USP14: variants seen among roughly 807,000 people sequenced by gnomAD.
USP14 encodes ubiquitin specific peptidase 14, also known as ubiquitin carboxyl-terminal hydrolase 14.
In USP14, 38 loss-of-function variants were observed where a neutral mutation model predicts 76.5. The ratio of observed to expected loss-of-function variants is 0.50; its 90% CI spans 0.38 to 0.65. The LOEUF (loss-of-function observed/expected upper bound fraction) is 0.65. USP14 is among the 30% of genes least tolerant of loss of function. The pLI is 0.00. For synonymous variants in USP14, 192 were observed against 191.7 expected, an observed-to-expected ratio of 1.00 and a Z score of -0.01; for missense variants, 467 against 586.5, an observed-to-expected ratio of 0.80 and a Z score of 2.10.
intron 13 of USP14, among the ~76,000 whole-genome samples, chr18:208,485 C>G (rs367938622): frequency 1.3e-4 from 20 of 152,146 alleles, no homozygotes; most frequent in Non-Finnish European, 2.1e-4. Flanking sequence ...GTATTGATTT[C>G]TGCTCTTATT....
chr18:189,304 G>A (rs532164776), intron 5 of USP14, among the ~76,000 whole-genome samples: 3 of 151,828 alleles, frequency 2.0e-5, no homozygotes, highest in South Asian at 4.2e-4. Flanking sequence ...TTGTTTTATT[G>A]TCTATTTTCT....
chr18:166,859 C>A, intron 3 of USP14, 40 bp downstream of exon 3: 1 of 1,575,286 alleles, frequency 6.3e-7, no homozygotes, highest in East Asian at 2.2e-5. Flanking sequence ...AATGCAGTAA[C>A]CTCATTATGA....
chr18:206,621 T>A (rs1910535342), intron 13 of USP14, among the ~76,000 whole-genome samples: 1 of 152,202 alleles, frequency 6.6e-6, no homozygotes, highest in Non-Finnish European at 1.5e-5. Flanking sequence ...ATTGCCGGGC[T>A]CGGCATGGTG....
At chr18:167,076 A>G (rs1255793182) in intron 3 of USP14, among the ~76,000 whole-genome samples, 3 of 152,052 alleles carry the variant, frequency 2.0e-5, no homozygotes, top group Admixed American at 6.6e-5. Flanking sequence ...CTAAAGCTTT[A>G]TAATAAAAGC....
Position 166,780 on chromosome 18 carries a change from G to C in USP14, c.163-7G>C. The C allele has an allele frequency of 6.2e-7, 1 of 1,611,388 alleles. No individual in the cohort carries two copies. Among genetic ancestry groups the C allele is most frequent in the Non-Finnish European group, 8.5e-7 (1 of 1,178,112 alleles). On this transcript the variant is annotated splice_region_variant and splice_polypyrimidine_tract_variant and intron_variant, in intron 2 of 15. Coordinates refer to ENST00000261601, the MANE Select transcript of USP14 (RefSeq NM_005151.4). Reference sequence around the variant, plus strand: ...GGTTAAATGTCTTTTGTTTGTCTTTGAAACAGGATGATGATTGGGGAAACA... The same window carrying C: ...GGTTAAATGTCTTTTGTTTGTCTTTCAAACAGGATGATGATTGGGGAAACA...
Position 203,203 on chromosome 18 carries a change from C to G in USP14, c.1035+13C>G, listed in dbSNP as rs751793598. ...CAAAGTTCTTAAGGTTAGTAATGAA[C>G]TTTACTTTGTATAAGAAATGTAATT... On this transcript the variant is annotated intron_variant, in intron 12 of 15. Coordinates refer to ENST00000261601, the MANE Select transcript of USP14 (RefSeq NM_005151.4). The G allele has an allele frequency of 7.5e-6, 12 of 1,597,866 alleles. No individual in the cohort carries two copies. In the African/African-American group the frequency reaches 1.6e-4, roughly 22 times the overall value.
rs1910683821 is a variant in USP14, at chr18:212,058, CTCAAG to C, written c.*777_*781del. The C allele has an allele frequency of 6.6e-6, 1 of 152,018 alleles. No homozygotes were observed. The highest frequency in any genetic ancestry group is 1.5e-5 in the Non-Finnish European group (1 of 68,010). 9.4% of individuals were successfully genotyped at this position (152,018 alleles called of 1,614,324 possible). A position where few individuals can be genotyped will look rare whatever the true frequency, so the allele number is the denominator to read the frequency against. Reference sequence around the variant, plus strand: ...AAAAAAGGGATTAATAGCTTTTGACCTCAAGTCTTTTGTCTTCTGAGTGTTGGAGC... The same window carrying C: ...AAAAAAGGGATTAATAGCTTTTGACCTCTTTTGTCTTCTGAGTGTTGGAGC... On this transcript the variant is annotated 3_prime_UTR_variant, in exon 16 of 16. Transcript: ENST00000261601.
intron 5 of USP14, 94 bp from the exon 6 acceptor site, chr18:192,748 G>T: frequency 2.7e-6 from 3 of 1,131,816 alleles, no homozygotes; most frequent in South Asian, 1.4e-5. Flanking sequence ...TTGCAGTTGA[G>T]GGTGTCATAA....
chr18:192,612 A>G (rs1793430585), intron 5 of USP14, among the ~76,000 whole-genome samples: 1 of 152,194 alleles, frequency 6.6e-6, no homozygotes, highest in African/African-American at 2.4e-5. Context: ...TGAGTTTGAC[A>G]AAGGGAAAGA....
At chr18:179,296 C>T (rs1192555962) in intron 4 of USP14, among the ~76,000 whole-genome samples, 2 of 151,812 alleles carry the variant, frequency 1.3e-5, no homozygotes, top group African/African-American at 2.4e-5. Flanking sequence ...AGTGAATTTA[C>T]TTAGGCTTAA....
chr18:171,973 G>A (rs565653), intron 3 of USP14, among the ~76,000 whole-genome samples: 25,479 of 152,142 alleles, frequency 0.17, 2,425 homozygotes, highest in Non-Finnish European at 0.23. Flanking sequence ...AGGCATGGTG[G>A]CTCACTCCTA....
At chr18:187,564 G>T (rs946271991) in intron 5 of USP14, among the ~76,000 whole-genome samples, 9 of 152,140 alleles carry the variant, frequency 5.9e-5, no homozygotes, top group African/African-American at 2.2e-4. Flanking sequence ...AATATAGGCT[G>T]TCTCCCCATT....
intron 7 of USP14, 47 bp from the exon 8 acceptor site, chr18:197,569 A>C: frequency 6.8e-7 from 1 of 1,470,988 alleles, no homozygotes; most frequent in Non-Finnish European, 9.4e-7. Flanking sequence ...AACTTTGTAG[A>C]TCATTCACTG....
intron 5 of USP14, among the ~76,000 whole-genome samples, chr18:182,123 A>G (rs904829728): frequency 1.3e-5 from 2 of 152,230 alleles, no homozygotes; most frequent in African/African-American, 4.8e-5. Context: ...AAGAAAGAAC[A>G]TTTTGTTTTT....
intron 3 of USP14, among the ~76,000 whole-genome samples, chr18:170,176 T>C (rs1346174947): frequency 2.0e-5 from 3 of 152,046 alleles, no homozygotes; most frequent in Non-Finnish European, 4.4e-5. Flanking sequence ...TAGTGGCACA[T>C]GCCTGTAATC....
rs757757173 is a variant in USP14, at chr18:188,772, G to A, written c.405-4070G>A. On this transcript the variant is annotated intron_variant, in intron 5 of 15. Coordinates refer to ENST00000261601, the MANE Select transcript of USP14 (RefSeq NM_005151.4). ...GGCTCACTGCAACCTCCGCCTCCTG[G>A]GTTCGAGCGATTCTCCTGCCTCAGC... Among the ~76,000 whole-genome samples the A allele has an allele frequency of 1.2e-3, 189 of 152,120 alleles. 1 individual carries two copies. The highest frequency in any genetic ancestry group is 1.4e-3 in the Non-Finnish European group (96 of 67,988).
At chr18:178,823 G>T in intron 3 of USP14, 110 bp from the exon 4 acceptor site, 1 of 729,660 alleles carries the variant, frequency 1.4e-6, no homozygotes, top group Admixed American at 3.3e-5. Context: ...TACTTTTTTT[G>T]GCAAATAGAA....
intron 2 of USP14, among the ~76,000 whole-genome samples, chr18:163,894 C>T (rs1909194516): frequency 1.3e-5 from 2 of 151,046 alleles, no homozygotes; most frequent in African/African-American, 4.9e-5. Flanking sequence ...TTGTTCCTGT[C>T]TATGTGTCTA....
At chr18:168,346 A>T (rs1484111016) in intron 3 of USP14, among the ~76,000 whole-genome samples, 5 of 152,320 alleles carry the variant, frequency 3.3e-5, no homozygotes, top group African/African-American at 1.2e-4. Context: ...TAAACGTGTT[A>T]TCTGCAAATA....
Sources: gnomAD v4.1 joint callset for allele counts (sites outside exome capture counted in the v4.1 genomes callset) on GRCh38, gnomAD v4.1.1 for gene constraint, MANE v1.5 for transcripts, NCBI Gene and HGNC (gene_info 2026-07-23, HGNC 2026-07-21) for gene names.